The following ESYT3 variants were observed in gnomAD, a reference collection of about 807,000 sequenced individuals.
The protein encoded by ESYT3 is extended synaptotagmin 3, also known as extended synaptotagmin-3.
In ESYT3, 101 loss-of-function variants were observed where a neutral mutation model predicts 111.5. The ratio of observed to expected loss-of-function variants is 0.91; its 90% CI spans 0.77 to 1.07. ESYT3 has a LOEUF of 1.07. Ranked by LOEUF, ESYT3 falls within the 50% of genes least tolerant of loss-of-function variation. The pLI is 0.00. For missense variants in ESYT3, 1,097 were observed against 1,109.4 expected (o/e 0.99, Z 0.16); for synonymous variants, 416 against 446.8 (o/e 0.93, Z 0.87).
chr3:138,456,109 G>A (rs2032261634), intron 3 of ESYT3, among the ~76,000 whole-genome samples: 1 of 152,276 alleles, frequency 6.6e-6, no homozygotes, highest in Admixed American at 6.5e-5. Flanking sequence ...CCCTGGGCAG[G>A]GGTGGATTAG....
rs2030565715 is a variant in ESYT3 at position 138,435,251 on chromosome 3, C to T, written c.327+126C>T. The T allele has an allele frequency of 6.3e-6, 6 of 955,138 alleles. No individual in the cohort carries two copies. In the East Asian group the frequency reaches 1.3e-4, roughly 21 times the overall value. 59.2% of individuals were successfully genotyped at this position (955,138 alleles called of 1,614,324 possible). A position where few individuals can be genotyped will look rare whatever the true frequency, so the allele number is the denominator to read the frequency against. On this transcript the variant is annotated intron_variant, in intron 1 of 22. Coordinates refer to ENST00000389567, the MANE Select transcript of ESYT3 (RefSeq NM_031913.5). The surrounding 1 kb of genome is among the most constrained non-coding windows in gnomAD (Gnocchi z 4.8). The stretch of plus-strand genomic sequence containing the variant: ...GGCGGGAGCCCGGCGACCTGCACAC[C>T]CCGTTCCCCACCGCTCCCGGGGCGC...
Position 138,440,847 on chromosome 3 carries a change from A to C in ESYT3, c.327+5722A>C, listed in dbSNP as rs1343077241. On this transcript the variant is annotated intron_variant, in intron 1 of 22. Coordinates refer to ENST00000389567, the MANE Select transcript of ESYT3 (RefSeq NM_031913.5). This position sits in a 1 kb window ranked among gnomAD's most constrained non-coding sequence, Gnocchi z 4.2. Reference sequence around the variant, plus strand: ...GTGTTCATTCCTATACTCACTCAGCAAGCATTTATCGAGAACTTGCAGTGT... The same window carrying C: ...GTGTTCATTCCTATACTCACTCAGCCAGCATTTATCGAGAACTTGCAGTGT... Among the ~76,000 whole-genome samples, 5 of 152,228 alleles carry C rather than the reference A, an allele frequency of 3.3e-5. No homozygotes were observed. Among genetic ancestry groups the C allele is most frequent in the Admixed American group, 2.6e-4 (4 of 15,282 alleles).
chr3:138,464,578 G>C (rs970936910), intron 9 of ESYT3, 63 bp downstream of exon 9: 1 of 1,560,942 alleles, frequency 6.4e-7, no homozygotes, highest in African/African-American at 1.4e-5. Flanking sequence ...AGGCAATCCA[G>C]GGGCAACACT....
chr3:138,459,160 A>C (rs763729082), intron 4 of ESYT3, 27 bp from the exon 5 acceptor site: 2 of 1,482,376 alleles, frequency 1.3e-6, no homozygotes, highest in Non-Finnish European at 1.8e-6. Context: ...CCTCCTCCCC[A>C]CCTTCCTTTT....
At chr3:138,444,935 G>A (rs1427201583) in intron 1 of ESYT3, among the ~76,000 whole-genome samples, 1 of 152,148 alleles carries the variant, frequency 6.6e-6, no homozygotes, top group Non-Finnish European at 1.5e-5. Context: ...CCTTCTTCCA[G>A]GGCCTGAGCA....
chr3:138,457,321 C>A (rs1334559122), intron 3 of ESYT3, among the ~76,000 whole-genome samples: 1 of 152,152 alleles, frequency 6.6e-6, no homozygotes, highest in Admixed American at 6.5e-5. Flanking sequence ...GGGGCATGAA[C>A]AACAGGCCTG....
intron 1 of ESYT3, among the ~76,000 whole-genome samples, chr3:138,437,095 C>T (rs910379535): frequency 7.9e-5 from 12 of 152,054 alleles, no homozygotes; most frequent in Admixed American, 5.9e-4. Flanking sequence ...CCCCACAACC[C>T]ATATCCCAGG....
rs771759386 is a variant in ESYT3 at position 138,472,437 on chromosome 3, C to G, written c.1815C>G (p.Leu605=). 1 of 1,614,094 alleles carries G rather than the reference C, an allele frequency of 6.2e-7. No individual in the cohort carries two copies. Among genetic ancestry groups the G allele is most frequent in the East Asian group, 2.2e-5 (1 of 44,896 alleles). ...AAGCCCTAAAGAAAGGCCCTCTGCT[C>G]ATCAAGAAAGTGGCTACCAACCAGG... ...GPEALKKGPL[L]IKKVATNQGP... The change falls in exon 18 of 23, where the codon CTC becomes CTG. Residue 605 remains leucine (L), a synonymous_variant. Coordinates refer to ENST00000389567, the MANE Select transcript of ESYT3 (RefSeq NM_031913.5).
chr3:138,467,449 G>T lies in ESYT3; in HGVS notation c.1170-112G>T, dbSNP rs929769718. ...TTGGTTCCTTGGGGTAAGATCCTCT[G>T]TCTTAATGGCCGCACTCAGATATCT... On this transcript the variant is annotated intron_variant, in intron 10 of 22. Transcript: ENST00000389567. The T allele has an allele frequency of 5.6e-6, 6 of 1,077,688 alleles. No individual in the cohort carries two copies. The African/African-American group carries it at 9.3e-5, about 17-fold the overall frequency. 66.8% of individuals were successfully genotyped at this position (1,077,688 alleles called of 1,614,324 possible). A position where few individuals can be genotyped will look rare whatever the true frequency, so the allele number is the denominator to read the frequency against.
Position 138,464,385 on chromosome 3 carries a change from C to A in ESYT3, c.956C>A (p.Ala319Asp), listed in dbSNP as rs1445029481. ...CACTTGCTGGAGGCAGAGCAGCTGG[C>A]CCAGAAGGACAACTTTCTGGGGCTC... ...RVHLLEAEQL[A>D]QKDNFLGLRG... Residue 319 changes from alanine (A) to aspartate (D), a missense_variant, in exon 9 of 23, where the codon GCC (alanine) becomes GAC (aspartate). Ala to Asp is a moderately radical substitution (Grantham distance 126). Coordinates refer to ENST00000389567, the MANE Select transcript of ESYT3 (RefSeq NM_031913.5). 6.2e-7 allele frequency: 1 copy of A among 1,614,006 alleles called. No individual in the cohort carries two copies. The highest frequency in any genetic ancestry group is 8.5e-7 in the Non-Finnish European group (1 of 1,180,008).
chr3:138,464,560 C>A, intron 9 of ESYT3, 45 bp downstream of exon 9: 2 of 1,605,592 alleles, frequency 1.2e-6, no homozygotes, highest in South Asian at 2.2e-5. Context: ...CTGAGTCATG[C>A]TGGGCAGAGG....
At chr3:138,448,660 A>G (rs868030797) in intron 1 of ESYT3, among the ~76,000 whole-genome samples, 2 of 152,100 alleles carry the variant, frequency 1.3e-5, no homozygotes, top group South Asian at 4.1e-4. Context: ...TTCAAGTTCC[A>G]AAAAAAGACC....
At chr3:138,448,557 T>TA (rs1365491795) in intron 1 of ESYT3, among the ~76,000 whole-genome samples, 1 of 151,980 alleles carries the variant, frequency 6.6e-6, no homozygotes, top group African/African-American at 2.4e-5. Flanking sequence ...TCACCTTATG[T>TA]AAAAAAATCC....
chr3:138,442,567 C>G (rs1411434885), intron 1 of ESYT3, among the ~76,000 whole-genome samples: 2 of 152,208 alleles, frequency 1.3e-5, no homozygotes. Context: ...CCCCAGGACT[C>G]TTGTCCATGG....
chr3:138,472,377 G>A lies in ESYT3; in HGVS notation c.1755G>A (p.Glu585=), dbSNP rs760355887. 2 of 1,613,206 alleles carry A rather than the reference G, an allele frequency of 1.2e-6. No homozygotes were observed. Among genetic ancestry groups the A allele is most frequent in the Non-Finnish European group, 1.7e-6 (2 of 1,179,728 alleles). The change falls in exon 18 of 23, where the codon GAG becomes GAA. Residue 585 remains glutamate (E), a synonymous_variant. Coordinates refer to ENST00000389567, the MANE Select transcript of ESYT3 (RefSeq NM_031913.5). ...MRLVLRFLQV[E]ERELGSPYTG... ...TCTGCTTGCAGTTCCTGCAAGTGGA[G>A]GAACGAGAGCTGGGGAGCCCATACA... is the stretch of plus-strand genomic sequence containing the variant.
chr3:138,462,198 C>T lies in ESYT3; in HGVS notation c.907C>T (p.Leu303=), dbSNP rs1199741700. The change falls in exon 8 of 23, where the codon CTG becomes TTG. Residue 303 remains leucine, a synonymous_variant. Coordinates refer to ENST00000389567, the MANE Select transcript of ESYT3 (RefSeq NM_031913.5). ...GGATCTGACCAACCTGCGCTTCCCTCTGCCCTGTGTGAGTACCCAGTACTA... is the reference window on the plus strand; with the variant it reads ...GGATCTGACCAACCTGCGCTTCCCTTTGCCCTGTGTGAGTACCCAGTACTA... ...GLDLTNLRFP[L]PCGVIRVHLL... The T allele has an allele frequency of 6.2e-7, 1 of 1,614,232 alleles. No individual in the cohort carries two copies. The highest frequency in any genetic ancestry group is 8.5e-7 in the Non-Finnish European group (1 of 1,180,042).
intron 1 of ESYT3, among the ~76,000 whole-genome samples, chr3:138,446,518 C>G (rs1170858834): frequency 6.6e-6 from 1 of 152,140 alleles, no homozygotes; most frequent in African/African-American, 2.4e-5. Flanking sequence ...CAAAAGAAAG[C>G]TGAGATAGCA....
At chr3:138,441,960 A>G (rs1210513994) in intron 1 of ESYT3, among the ~76,000 whole-genome samples, 4 of 152,164 alleles carry the variant, frequency 2.6e-5, no homozygotes, top group African/African-American at 4.8e-5. Flanking sequence ...GCCCTGTGCC[A>G]GTGTCATGAG....
chr3:138,436,643 G>A (rs1478845749), intron 1 of ESYT3, among the ~76,000 whole-genome samples: 1 of 152,186 alleles, frequency 6.6e-6, no homozygotes, highest in Admixed American at 6.5e-5. Flanking sequence ...CATGGGGCCT[G>A]ACTCCCACAG....
Sources: allele counts gnomAD v4.1 joint callset (sites outside exome capture counted in the v4.1 genomes callset), GRCh38; gene constraint gnomAD v4.1.1; non-coding constraint Gnocchi (gnomAD v3.1); transcripts MANE v1.5; gene names NCBI Gene and HGNC (gene_info 2026-07-23, HGNC 2026-07-21).